TBX18: variants seen among roughly 807,000 people sequenced by gnomAD.
The protein encoded by TBX18 is T-box transcription factor TBX18.
A neutral mutation model predicts 55.0 loss-of-function variants in TBX18; 21 were observed. That is an observed-to-expected ratio of 0.38 (90% confidence interval 0.27 to 0.55). The LOEUF (loss-of-function observed/expected upper bound fraction) is 0.55, where lower values mean the gene tolerates loss of function less well. TBX18 is among the 20% of genes least tolerant of loss of function. The pLI, the probability that TBX18 is intolerant of heterozygous loss-of-function variation, is 0.73. For missense variants in TBX18, 840 were observed against 799.6 expected, an observed-to-expected ratio of 1.05 and a Z score of -0.61; for synonymous variants, 342 against 326.1, an observed-to-expected ratio of 1.05 and a Z score of -0.53.
intron 3 of TBX18, among the ~76,000 whole-genome samples, chr6:84,757,239 C>G (rs570569121): frequency 9.9e-5 from 15 of 152,258 alleles, no homozygotes; most frequent in African/African-American, 3.4e-4. Context: ...TCAAGTTCAC[C>G]TTTAAGTAAA....
rs932243305 is a variant in TBX18 at position 84,733,897 on chromosome 6, C to A, written c.*2788G>T. On this transcript the variant is annotated 3_prime_UTR_variant, in exon 8 of 8. Transcript: ENST00000369663. ...TTATATAGGTTACACTGTGCCCCAA[C>A]CTTCTCTGGGGGCCACCAAGGATTC... 8 of 152,112 alleles carry A rather than the reference C, an allele frequency of 5.3e-5. No individual in the cohort carries two copies. Among genetic ancestry groups the A allele is most frequent in the African/African-American group, 1.9e-4 (8 of 41,406 alleles). The allele number at this position is 152,112 out of a possible 1,614,324, so 9.4% of individuals were successfully genotyped here.
chr6:84,747,937 C>G lies in TBX18; in HGVS notation c.922G>C (p.Ala308Pro). Reference sequence around the variant, plus strand: ...AACAATACCTGCTGATTCTGATAGGCAGTGACGGTTGTGAAGACAGTTTCT... The same window carrying G: ...AACAATACCTGCTGATTCTGATAGGGAGTGACGGTTGTGAAGACAGTTTCT... The part of the protein sequence containing the change: ...FPETVFTTVT[A>P]YQNQQITRLK... Residue 308 changes from alanine (A) to proline (P), a missense_variant, in exon 5 of 8, where the codon GCC becomes CCC. Transcript: ENST00000369663. 1 of 1,612,788 alleles carries G rather than the reference C, an allele frequency of 6.2e-7. No homozygotes were observed. Among genetic ancestry groups the G allele is most frequent in the East Asian group, 2.2e-5 (1 of 44,872 alleles).
At chr6:84,761,143 C>A (rs1767635669) in intron 2 of TBX18, among the ~76,000 whole-genome samples, 1 of 152,118 alleles carries the variant, frequency 6.6e-6, no homozygotes, top group African/African-American at 2.4e-5. Flanking sequence ...AAGAATACAA[C>A]AGTAAATTAT....
chr6:84,760,268 T>C lies in TBX18; in HGVS notation c.586A>G (p.Asn196Asp). The C allele has an allele frequency of 6.3e-7, 1 of 1,593,470 alleles. No individual in the cohort carries two copies. The highest frequency in any genetic ancestry group is 8.6e-7 in the Non-Finnish European group (1 of 1,168,610). ...TAATCACTGTACCTGTATCTTTTGTTGTCCACTGGTACAATATCCATGGCA... is the reference window on the plus strand; with the variant it reads ...TAATCACTGTACCTGTATCTTTTGTCGTCCACTGGTACAATATCCATGGCA... ...YIAMDIVPVD[N>D]KRYRYVYHSS... The change falls in exon 3 of 8, where the codon AAC (asparagine) becomes GAC (aspartate). Residue 196 changes from asparagine (N) to aspartate (D), a missense_variant. Asn to Asp is a conservative substitution (Grantham distance 23, BLOSUM62 1). Coordinates refer to ENST00000369663, the MANE Select transcript of TBX18 (RefSeq NM_001080508.3).
At chr6:84,748,134 A>G (rs530764936) in intron 4 of TBX18, 47 bp from the exon 5 acceptor site, 3 of 1,428,948 alleles carry the variant, frequency 2.1e-6, no homozygotes, top group East Asian at 4.6e-5. Flanking sequence ...CCTCTGCCCA[A>G]CCTCAACAAC....
At chr6:84,753,875 T>G (rs1343064605) in intron 4 of TBX18, among the ~76,000 whole-genome samples, 1 of 152,196 alleles carries the variant, frequency 6.6e-6, no homozygotes, top group Non-Finnish European at 1.5e-5. Flanking sequence ...TCATGGTTTC[T>G]TCTCTCCCCA....
At chr6:84,749,488 T>C (rs74452082) in intron 4 of TBX18, among the ~76,000 whole-genome samples, 11 of 24,720 alleles carry the variant, frequency 4.4e-4, no homozygotes, top group Middle Eastern at 0.014. Context: ...TTTTTTTTTC[T>C]TTTTTTTTTT....
chr6:84,747,858 C>G (rs1182551099), intron 5 of TBX18, 62 bp downstream of exon 5: 21 of 1,486,772 alleles, frequency 1.4e-5, no homozygotes, highest in Non-Finnish European at 1.8e-5. Context: ...AGAAGGATAG[C>G]TAACTTTCTC....
Position 84,734,106 on chromosome 6 carries a change from T to C in TBX18, c.*2579A>G, listed in dbSNP as rs1773875027. Reference sequence around the variant, plus strand: ...TGGAATGTTTACTAGTCAAGGGGCATAGAAGTAATCTGTCATCACTAGTCA... The same window carrying C: ...TGGAATGTTTACTAGTCAAGGGGCACAGAAGTAATCTGTCATCACTAGTCA... On this transcript the variant is annotated 3_prime_UTR_variant, in exon 8 of 8. Coordinates refer to ENST00000369663, the MANE Select transcript of TBX18 (RefSeq NM_001080508.3). 1 of 152,222 alleles carries C rather than the reference T, an allele frequency of 6.6e-6. No individual in the cohort carries two copies. The allele number at this position is 152,222 out of a possible 1,614,324, so 9.4% of individuals were successfully genotyped here. A position where few individuals can be genotyped will look rare whatever the true frequency, so the allele number is the denominator to read the frequency against.
chr6:84,761,984 T>C (rs1767659115), intron 2 of TBX18, among the ~76,000 whole-genome samples: 1 of 152,160 alleles, frequency 6.6e-6, no homozygotes, highest in Non-Finnish European at 1.5e-5. Context: ...TAAACATGTA[T>C]TGTGGGTGAG....
chr6:84,746,210 CA>C (rs1767180387), intron 5 of TBX18, among the ~76,000 whole-genome samples: 1 of 151,810 alleles, frequency 6.6e-6, no homozygotes, highest in African/African-American at 2.4e-5. Flanking sequence ...GCAAAGTGCA[CA>C]GTTAATTTGT....
At position 84,736,449 on chromosome 6, in the gene TBX18, T is replaced by TG; in HGVS notation, c.*235dup. ...CATGCCAATACTCCGTGCAACTGGA[T>TG]GAAACAGGGGAACAATAGGGGCCGT... On this transcript the variant is annotated 3_prime_UTR_variant, in exon 8 of 8. Transcript: ENST00000369663. The TG allele has an allele frequency of 2.8e-6, 1 of 352,794 alleles. No individual in the cohort carries two copies. The allele number at this position is 352,794 out of a possible 1,614,324, so 21.9% of individuals were successfully genotyped here.
intron 4 of TBX18, among the ~76,000 whole-genome samples, chr6:84,750,706 G>A (rs1196046526): frequency 2.0e-5 from 3 of 152,058 alleles, no homozygotes; most frequent in Non-Finnish European, 4.4e-5. Flanking sequence ...TTTTTGGGCA[G>A]GCATCATCAC....
Position 84,762,656 on chromosome 6 carries a change from G to T in TBX18, c.385C>A (p.Pro129Thr). 1 of 1,610,938 alleles carries T rather than the reference G, an allele frequency of 6.2e-7. No individual in the cohort carries two copies. ...TGCGGCGAGGGCAGAGGGGTCCCGG[G>T]CCGGGCCAGGGAGCGCGCCGGAGAC... ...KGSPARSLAR[P>T]GTPLPSPQAP... The change falls in exon 2 of 8, where the codon CCC (proline) becomes ACC (threonine). Residue 129 changes from proline (P) to threonine (T), a missense_variant. Transcript: ENST00000369663.
intron 4 of TBX18, among the ~76,000 whole-genome samples, chr6:84,753,805 C>A (rs1359575864): frequency 2.6e-5 from 4 of 152,206 alleles, no homozygotes; most frequent in African/African-American, 9.7e-5. Context: ...TCTTTCCTGG[C>A]TGGAATACGG....
At chr6:84,749,971 T>C (rs988732189) in intron 4 of TBX18, among the ~76,000 whole-genome samples, 2 of 152,186 alleles carry the variant, frequency 1.3e-5, no homozygotes, top group South Asian at 2.1e-4. Flanking sequence ...CTGAGTAATA[T>C]GTTCACTAAT....
Position 84,736,932 on chromosome 6 carries a change from G to T in TBX18, c.1577C>A (p.Pro526His). 1 of 1,610,746 alleles carries T rather than the reference G, an allele frequency of 6.2e-7. No individual in the cohort carries two copies. The highest frequency in any genetic ancestry group is 1.1e-5 in the South Asian group (1 of 90,626). The change falls in exon 8 of 8, where the codon CCC becomes CAC. Residue 526 changes from proline (P) to histidine (H), a missense_variant. Physicochemically the swap from Pro to His is moderately conservative, Grantham distance 77. Transcript: ENST00000369663. ...GSYNTFRLHS[P>H]CALYGYNFST... The stretch of plus-strand genomic sequence containing the variant: ...GAAGTTATATCCATATAGTGCACAG[G>T]GGCTGTGTAATCTAAAAGTATTATA...
chr6:84,761,444 T>G (rs1175410762), intron 2 of TBX18, among the ~76,000 whole-genome samples: 1 of 152,202 alleles, frequency 6.6e-6, no homozygotes, highest in Non-Finnish European at 1.5e-5. Flanking sequence ...AACTACATCC[T>G]TTATAAGACA....
chr6:84,738,976 A>G (rs911694312), intron 6 of TBX18, among the ~76,000 whole-genome samples: 3 of 152,124 alleles, frequency 2.0e-5, no homozygotes, highest in African/African-American at 7.2e-5. Flanking sequence ...TCTCCCTCTA[A>G]GTGAGGAAGG....
Sources: allele counts gnomAD v4.1 joint callset (sites outside exome capture counted in the v4.1 genomes callset), GRCh38; gene constraint gnomAD v4.1.1; transcripts MANE v1.5; gene names NCBI Gene and HGNC (gene_info 2026-07-23, HGNC 2026-07-21).